The following METTL3 variants were observed in gnomAD, a reference collection of about 807,000 sequenced individuals.
The protein encoded by METTL3 is methyltransferase 3, N6-adenosine-methyltransferase complex catalytic subunit.
In METTL3, 42 loss-of-function variants were observed where a neutral mutation model predicts 64.3. The observed-to-expected ratio is 0.65, with a 90% CI of 0.51 to 0.84. METTL3 has a LOEUF of 0.84. METTL3 is among the 40% of genes least tolerant of loss of function. METTL3 has a pLI of 0.00. For missense variants in METTL3, 435 were observed against 722.3 expected, an observed-to-expected ratio of 0.60 and a Z score of 4.56; for synonymous variants, 256 against 263.6, an observed-to-expected ratio of 0.97 and a Z score of 0.28.
intron 6 of METTL3, 65 bp from the exon 7 acceptor site, chr14:21,499,867 A>T: frequency 6.7e-7 from 1 of 1,482,664 alleles, no homozygotes; most frequent in Non-Finnish European, 9.4e-7. Context: ...AAAATATGTG[A>T]TGTGTTAAAA....
rs1285091302 is a variant in METTL3 at position 21,498,720 on chromosome 14, A to ATAGATAAC, written c.1631+297_1631+304dup. Reference sequence around the variant, plus strand: ...AAAGATGTAATTATTGACAGATTAAATAGATAACTTCGTAACCACCAGGGG... The same window carrying ATAGATAAC: ...AAAGATGTAATTATTGACAGATTAAATAGATAACTAGATAACTTCGTAACCACCAGGGG... On this transcript the variant is annotated intron_variant, in intron 10 of 10. Transcript: ENST00000298717. 4.1e-5 allele frequency: 19 copies of ATAGATAAC among 462,070 alleles called. No individual in the cohort carries two copies. The East Asian group carries it at 7.3e-4, about 18-fold the overall frequency. 28.6% of individuals were successfully genotyped at this position (462,070 alleles called of 1,614,324 possible).
chr14:21,500,967 A>G lies in METTL3; in HGVS notation c.1062T>C (p.Ala354=). 1.9e-6 allele frequency: 3 copies of G among 1,614,178 alleles called. No homozygotes were observed. Among genetic ancestry groups the G allele is most frequent in the African/African-American group, 1.3e-5 (1 of 75,036 alleles). ...SKDHTPSQEL[A]LTQSVGGDSS... ...AATCACCTCCGACACTCTGTGTAAG[A>G]GCAAGCTCCTGGCTTGGCGTGTGGT... is the stretch of plus-strand genomic sequence containing the variant. The change falls in exon 5 of 11, where the codon GCT becomes GCC. Residue 354 remains alanine (A), a synonymous_variant. Transcript: ENST00000298717.
At chr14:21,507,852 G>T (rs1189867342) in intron 1 of METTL3, 1 of 152,130 alleles carries the variant, frequency 6.6e-6, no homozygotes, top group African/African-American at 2.4e-5. Flanking sequence ...TGACATTCTG[G>T]TTTAATTTGT....
At chr14:21,498,610 C>CGACCACCGAGATCTACA in intron 10 of METTL3, 1 of 543,308 alleles carries the variant, frequency 1.8e-6, no homozygotes. Flanking sequence ...CTTAGCCAGG[C>CGACCACCGAGATCTACA]CTGCTTCACA....
At chr14:21,506,350 G>A (rs1170600385) in intron 1 of METTL3, among the ~76,000 whole-genome samples, 2 of 151,828 alleles carry the variant, frequency 1.3e-5, no homozygotes, top group Non-Finnish European at 2.9e-5. Flanking sequence ...TCAGGAGATC[G>A]AGACCATCCT....
chr14:21,498,721 T>C (rs1309845523), intron 10 of METTL3: 7 of 461,092 alleles, frequency 1.5e-5, no homozygotes, highest in Admixed American at 1.1e-4. Flanking sequence ...ACAGATTAAA[T>C]AGATAACTTC....
intron 1 of METTL3, chr14:21,504,191 C>T: frequency 3.2e-6 from 1 of 315,962 alleles, no homozygotes; most frequent in Non-Finnish European, 6.1e-6. Context: ...TACCACCTTT[C>T]TATCAACCTA....
chr14:21,499,255 A>C lies in METTL3; in HGVS notation c.1518+51T>G, dbSNP rs770760253. On this transcript the variant is annotated intron_variant, in intron 9 of 10. Coordinates refer to ENST00000298717, the MANE Select transcript of METTL3 (RefSeq NM_019852.5). Reference sequence around the variant, plus strand: ...GGATGAGAATACACCCAACATGAATAACTGATACCAACAAAAATGTGGAAG... The same window carrying C: ...GGATGAGAATACACCCAACATGAATCACTGATACCAACAAAAATGTGGAAG... 11 of 1,608,130 alleles carry C rather than the reference A, an allele frequency of 6.8e-6. No homozygotes were observed. In the South Asian group the frequency reaches 1.1e-4, roughly 16 times the overall value.
At chr14:21,508,960 T>C (rs1379666457) in intron 1 of METTL3, among the ~76,000 whole-genome samples, 5 of 152,064 alleles carry the variant, frequency 3.3e-5, no homozygotes, top group Non-Finnish European at 5.9e-5. Context: ...ACACCACAGA[T>C]AGAGGATGGC....
Position 21,511,311 on chromosome 14 carries a change from C to G in METTL3, c.-88G>C. 1.3e-6 allele frequency: 2 copies of G among 1,504,848 alleles called. No homozygotes were observed. The highest frequency in any genetic ancestry group is 1.8e-6 in the Non-Finnish European group (2 of 1,122,290). 93.2% of individuals were successfully genotyped at this position (1,504,848 alleles called of 1,614,324 possible). On this transcript the variant is annotated 5_prime_UTR_variant, in exon 1 of 11. Transcript: ENST00000298717. ...CGCTCCAGGATATAGCCAATTCTCA[C>G]GCGGACACCCCGAAGGCTAACCGGA...
chr14:21,507,840 A>T (rs1352751921), intron 1 of METTL3: 1 of 152,278 alleles, frequency 6.6e-6, no homozygotes, highest in Non-Finnish European at 1.5e-5. Context: ...CAGAAAGAAC[A>T]GTGACATTCT....
Position 21,503,215 on chromosome 14 carries a change from G to A in METTL3, c.681C>T (p.Ser227=). ...CCTTAGTGGACTGTTGGTTCAGAAG[G>A]CTCTCTATCTCCAGATCAACATCTG... ...AASDVDLEIE[S]LLNQQSTKEQ... is the part of the protein sequence containing the mutation. Residue 227 remains serine, a synonymous_variant, in exon 3 of 11, where the codon AGC becomes AGT. Transcript: ENST00000298717. 6.2e-7 allele frequency: 1 copy of A among 1,613,926 alleles called. No homozygotes were observed. Among genetic ancestry groups the A allele is most frequent in the East Asian group, 2.2e-5 (1 of 44,886 alleles).
intron 10 of METTL3, chr14:21,498,589 A>G (rs1891471640): frequency 7.0e-6 from 4 of 572,656 alleles, no homozygotes; most frequent in Admixed American, 6.5e-5. Flanking sequence ...TCTGAGGGTT[A>G]GTAACTAATG....
At chr14:21,499,742 A>T (rs766094462) in intron 7 of METTL3, 22 bp downstream of exon 7, 1 of 1,610,718 alleles carries the variant, frequency 6.2e-7, no homozygotes, top group South Asian at 1.1e-5. Flanking sequence ...CCTCAAAAGA[A>T]AGCAACACAA....
At chr14:21,501,151 A>ACCATCTTGATTCTCCCTTT in intron 4 of METTL3, 22 bp from the exon 5 acceptor site, 1 of 1,564,826 alleles carries the variant, frequency 6.4e-7, no homozygotes, top group Non-Finnish European at 8.8e-7. Flanking sequence ...AAAAGGGAGA[A>ACCATCTTGATTCTCCCTTT]TCAAGATGGT....
chr14:21,502,273 C>A, intron 3 of METTL3: 1 of 176,960 alleles, frequency 5.7e-6, no homozygotes. Flanking sequence ...ATCCTCGCGC[C>A]TTGGCCTCCC....
At chr14:21,501,468 C>A in intron 4 of METTL3, 1 of 566,866 alleles carries the variant, frequency 1.8e-6, no homozygotes, top group Non-Finnish European at 3.1e-6. Context: ...TTAACTTTCA[C>A]TGTGGCTCAG....
chr14:21,499,191 C>T (rs1431722211), intron 9 of METTL3, 54 bp from the exon 10 acceptor site: 5 of 1,579,782 alleles, frequency 3.2e-6, no homozygotes, highest in Non-Finnish European at 4.4e-6. Flanking sequence ...CAATTCTAGC[C>T]CTTTCTATTA....
chr14:21,508,988 G>A (rs915343407), intron 1 of METTL3, among the ~76,000 whole-genome samples: 1 of 152,146 alleles, frequency 6.6e-6, no homozygotes, highest in African/African-American at 2.4e-5. Context: ...AAAAACGACA[G>A]AAAGGTGAAC....
Sources: allele counts gnomAD v4.1 joint callset (sites outside exome capture counted in the v4.1 genomes callset), GRCh38; gene constraint gnomAD v4.1.1; transcripts MANE v1.5; gene names NCBI Gene and HGNC (gene_info 2026-07-23, HGNC 2026-07-21).